MYH15: variants seen among roughly 807,000 people sequenced by gnomAD.
The protein encoded by MYH15 is myosin-15.
MYH15 carries 227 observed loss-of-function variants against 240.5 expected under a neutral mutation model. The ratio of observed to expected loss-of-function variants is 0.94; its 90% CI spans 0.85 to 1.05. The LOEUF (loss-of-function observed/expected upper bound fraction) is 1.05, where lower values mean the gene tolerates loss of function less well. Among genes scored for constraint, MYH15 ranks in the 50% least tolerant of loss-of-function variants. The pLI is 0.00. For missense variants in MYH15, 2,217 were observed against 2,247.5 expected, an observed-to-expected ratio of 0.99 and a Z score of 0.27; for synonymous variants, 785 against 796.7, an observed-to-expected ratio of 0.99 and a Z score of 0.25.
chr3:108,525,060 C>T (rs1339121536), intron 1 of MYH15, among the ~76,000 whole-genome samples: 1 of 151,994 alleles, frequency 6.6e-6, no homozygotes, highest in Non-Finnish European at 1.5e-5. Context: ...GCAAAGGATG[C>T]TTATGTTTTC....
chr3:108,500,394 GC>G (rs1010207551), intron 3 of MYH15, 120 bp from the exon 4 acceptor site: 1 of 1,073,590 alleles, frequency 9.3e-7, no homozygotes, highest in Non-Finnish European at 1.3e-6. Flanking sequence ...TCAGAGGGGA[GC>G]TTTTGGAATC....
chr3:108,390,212 C>A (rs2082413798), intron 37 of MYH15, among the ~76,000 whole-genome samples: 1 of 152,050 alleles, frequency 6.6e-6, no homozygotes, highest in African/African-American at 2.4e-5. Context: ...AAAGCAAATC[C>A]TAGACATTAT....
chr3:108,383,686 T>G lies in MYH15; in HGVS notation c.5675A>C (p.Gln1892Pro), dbSNP rs1477417578. ...TTCCTTCACTTCATTCAACTCATGT[T>G]GCTGTTTCTTATACTTGGAAAGGTA... Reference protein sequence around the residue: ...NQYLSKYKKQQHELNEVKERA... With the variant: ...NQYLSKYKKQPHELNEVKERA... The change falls in exon 40 of 41, where the codon CAA (glutamine) becomes CCA (proline). Residue 1892 changes from glutamine to proline, a missense_variant. By Grantham distance (76) the Gln-to-Pro change is moderately conservative. Transcript: ENST00000693548. 1 of 1,611,126 alleles carries G rather than the reference T, an allele frequency of 6.2e-7. No homozygotes were observed. Among genetic ancestry groups the G allele is most frequent in the East Asian group, 2.2e-5 (1 of 44,778 alleles).
At chr3:108,456,949 C>A (rs980672253) in intron 18 of MYH15, 66 bp from the exon 19 acceptor site, 203 of 1,139,234 alleles carry the variant, frequency 1.8e-4, no homozygotes, top group Non-Finnish European at 8.3e-5. Context: ...AGATTTTGAA[C>A]CAATTGCTGC....
intron 2 of MYH15, 48 bp from the exon 3 acceptor site, chr3:108,501,903 G>A (rs757428975): frequency 1.9e-5 from 29 of 1,561,880 alleles, no homozygotes; most frequent in African/African-American, 5.4e-5. Context: ...TCTCCTATGC[G>A]TATTCATTTT....
At chr3:108,527,031 T>G (rs572723853) in intron 1 of MYH15, among the ~76,000 whole-genome samples, 104 of 152,298 alleles carry the variant, frequency 6.8e-4, no homozygotes, top group African/African-American at 1.9e-3. Context: ...CAGTTGTTCT[T>G]AAAATTTAGT....
At chr3:108,416,433 A>C (rs2082632972) in intron 29 of MYH15, among the ~76,000 whole-genome samples, 1 of 152,224 alleles carries the variant, frequency 6.6e-6, no homozygotes, top group African/African-American at 2.4e-5. Flanking sequence ...AATTTCTATA[A>C]TTTATTGACA....
rs61743438 is a variant in MYH15, at chr3:108,437,556, C to T, written c.3219G>A (p.Arg1073=). 2.3e-5 allele frequency: 37 copies of T among 1,612,236 alleles called. No homozygotes were observed. The African/African-American group carries it at 4.0e-4, about 17-fold the overall frequency. ...ATGTCAACAGAAAGGTGGCTTACTT[C>T]CTCAGCTCTTCTGCCAGGTGTCGCT... ...SSQRHLAEEL[R]KKELELSQMN... is the part of the protein sequence containing the mutation. Residue 1073 remains arginine (R), a splice_region_variant and synonymous_variant, in exon 25 of 41, where the codon AGG becomes AGA. Transcript: ENST00000693548.
At chr3:108,488,833 G>A (rs1168604097) in intron 9 of MYH15, among the ~76,000 whole-genome samples, 1 of 152,168 alleles carries the variant, frequency 6.6e-6, no homozygotes, top group Non-Finnish European at 1.5e-5. Context: ...TGGTAGTTCT[G>A]TTTGTAATCT....
intron 11 of MYH15, among the ~76,000 whole-genome samples, chr3:108,479,993 G>A (rs552451060): frequency 6.6e-6 from 1 of 152,240 alleles, no homozygotes; most frequent in African/African-American, 2.4e-5. Context: ...CTATGTGTAA[G>A]CCCTGATGCT....
intron 2 of MYH15, among the ~76,000 whole-genome samples, chr3:108,503,454 T>C (rs2083452886): frequency 6.6e-6 from 1 of 152,218 alleles, no homozygotes; most frequent in East Asian, 1.9e-4. Flanking sequence ...TACAACTGAA[T>C]AATGAAGAGG....
At chr3:108,490,197 C>T (rs1269033535) in intron 9 of MYH15, among the ~76,000 whole-genome samples, 1 of 152,202 alleles carries the variant, frequency 6.6e-6, no homozygotes, top group South Asian at 2.1e-4. Flanking sequence ...GAGGAGAATA[C>T]GTGCTGCTTA....
At chr3:108,514,527 T>C (rs150598603), upstream of MYH15, among the ~76,000 whole-genome samples, 79 of 152,274 alleles carry the variant, frequency 5.2e-4, 1 homozygote, top group Middle Eastern at 3.4e-3. Context: ...GCAGAATAAA[T>C]ACTGTGCCCT....
intron 21 of MYH15, among the ~76,000 whole-genome samples, chr3:108,445,882 T>C (rs1023377971): frequency 2.6e-5 from 4 of 151,924 alleles, no homozygotes; most frequent in African/African-American, 9.7e-5. Flanking sequence ...CTAAAAAACA[T>C]AGCAGTTGGA....
the MYH15 span, among the ~76,000 whole-genome samples, chr3:108,538,282 C>G: frequency 2.0e-5 from 3 of 152,152 alleles, no homozygotes; most frequent in South Asian, 6.2e-4. Context: ...TTTATTGTAT[C>G]TCTTGGCAAA....
rs376157818 is a variant in MYH15, at chr3:108,505,756, A to G, written c.162T>C (p.Asp54=). 2 of 1,612,880 alleles carry G rather than the reference A, an allele frequency of 1.2e-6. No homozygotes were observed. The highest frequency in any genetic ancestry group is 1.7e-6 in the Non-Finnish European group (2 of 1,179,536). Residue 54 remains aspartate, a synonymous_variant, in exon 2 of 41, where the codon GAT becomes GAC. Transcript: ENST00000693548. The part of the protein sequence containing the change: ...IEAEVKGSED[D]GTVIVETADG... ...CTGCTGTCTCAACAATTACTGTTCC[A>G]TCATCTTCACTCCCTTTTACCTCAG... is the stretch of plus-strand genomic sequence containing the variant.
intron 6 of MYH15, 104 bp downstream of exon 6, chr3:108,497,948 G>T: frequency 2.2e-6 from 2 of 890,690 alleles, no homozygotes; most frequent in Non-Finnish European, 3.7e-6. Context: ...AAATTGTCCT[G>T]TGGTGCTTGT....
At chr3:108,418,556 T>C (rs759865326) in intron 28 of MYH15, among the ~76,000 whole-genome samples, 2 of 152,030 alleles carry the variant, frequency 1.3e-5, no homozygotes. Context: ...TTCAACCTCA[T>C]AGACCCCCTA....
In MYH15 at chr3:108,428,546, C is replaced by T. The variant is rs2082745492; in HGVS notation, c.3648G>A (p.Leu1216=). The T allele has an allele frequency of 6.2e-7, 1 of 1,614,124 alleles. No individual in the cohort carries two copies. The change falls in exon 27 of 41, where the codon TTG becomes TTA. Residue 1216 remains leucine, a synonymous_variant. Transcript: ENST00000693548. ...KQKLEKDKSD[L]QLEVDDLLTR... is the part of the protein sequence containing the mutation. Reference sequence around the variant, plus strand: ...TCAGGAGGTCATCTACTTCTAGCTGCAAGTCACTCTTGTCTTTTTCCAGTT... The same window carrying T: ...TCAGGAGGTCATCTACTTCTAGCTGTAAGTCACTCTTGTCTTTTTCCAGTT...
Sources: allele counts gnomAD v4.1 joint callset (sites outside exome capture counted in the v4.1 genomes callset), GRCh38; gene constraint gnomAD v4.1.1; transcripts MANE v1.5; gene names NCBI Gene and HGNC (gene_info 2026-07-23, HGNC 2026-07-21).